KCNH8: variants seen among roughly 807,000 people sequenced by gnomAD.
The protein encoded by KCNH8 is potassium voltage-gated channel subfamily H member 8, also known as voltage-gated delayed rectifier potassium channel KCNH8.
Under a neutral mutation model 103.6 loss-of-function variants are expected in KCNH8, and 70 were observed. That is an observed-to-expected ratio of 0.68 (90% CI 0.56 to 0.82). KCNH8 has a LOEUF of 0.82. Ranked by LOEUF, KCNH8 falls within the 40% of genes least tolerant of loss-of-function variation. The pLI is 0.00. For missense variants in KCNH8, 1,217 were observed against 1,329.9 expected, an observed-to-expected ratio of 0.92 and a Z score of 1.32; for synonymous variants, 498 against 489.4, an observed-to-expected ratio of 1.02 and a Z score of -0.23.
At chr3:19,397,712 A>T (rs2066544973) in intron 7 of KCNH8, among the ~76,000 whole-genome samples, 1 of 151,840 alleles carries the variant, frequency 6.6e-6, no homozygotes, top group Non-Finnish European at 1.5e-5. Context: ...TCTTTAGAGA[A>T]TTAGATTTCC....
At chr3:19,309,423 T>G (rs1292559704) in intron 3 of KCNH8, among the ~76,000 whole-genome samples, 2 of 151,992 alleles carry the variant, frequency 1.3e-5, no homozygotes, top group South Asian at 2.1e-4. Context: ...GCATACTATT[T>G]AAAAGGTTAA....
chr3:19,216,574 T>C (rs2063820106), intron 1 of KCNH8, among the ~76,000 whole-genome samples: 1 of 152,218 alleles, frequency 6.6e-6, no homozygotes, highest in Non-Finnish European at 1.5e-5. Context: ...AGCTTCAAAA[T>C]GTTTATAATC....
At chr3:19,191,790 T>A (rs2063555568) in intron 1 of KCNH8, among the ~76,000 whole-genome samples, 1 of 151,778 alleles carries the variant, frequency 6.6e-6, no homozygotes, top group Admixed American at 6.6e-5. Flanking sequence ...TCCTGCTATT[T>A]AGTGCTTGAT....
chr3:19,504,428 G>C (rs2068651845), intron 11 of KCNH8, among the ~76,000 whole-genome samples: 1 of 151,966 alleles, frequency 6.6e-6, no homozygotes, highest in Admixed American at 6.6e-5. Context: ...TGCAAACCTT[G>C]CATCTAACAA....
chr3:19,148,658 T>G lies in KCNH8; in HGVS notation c.-62T>G. 2 of 1,542,392 alleles carry G rather than the reference T, an allele frequency of 1.3e-6. No individual in the cohort carries two copies. The highest frequency in any genetic ancestry group is 1.8e-6 in the Non-Finnish European group (2 of 1,114,114). On this transcript the variant is annotated 5_prime_UTR_variant, in exon 1 of 16. Transcript: ENST00000328405. ...GGTTCCCCTTCTCCCTTCTTGGCAC[T>G]TTCCTTTCGAACCATCCTTCTGGAC...
chr3:19,440,261 A>G (rs2067262710), intron 8 of KCNH8, among the ~76,000 whole-genome samples: 1 of 152,192 alleles, frequency 6.6e-6, no homozygotes, highest in Admixed American at 6.5e-5. Context: ...GAAGAGAACT[A>G]GCTAGATAGA....
chr3:19,280,416 C>G (rs1051977465), intron 2 of KCNH8, among the ~76,000 whole-genome samples: 2 of 152,168 alleles, frequency 1.3e-5, no homozygotes, highest in African/African-American at 4.8e-5. Context: ...GACCTGAATG[C>G]CTTTCTAATC....
At position 19,148,851 on chromosome 3, in the gene KCNH8, T is replaced by C; in HGVS notation, c.76+56T>C. On this transcript the variant is annotated intron_variant, in intron 1 of 15. Transcript: ENST00000328405. Reference sequence around the variant, plus strand: ...CATTTTCTGAGACTGATTTTTCTCGTACACATTACTTTTGCTCCCACCTTC... The same window carrying C: ...CATTTTCTGAGACTGATTTTTCTCGCACACATTACTTTTGCTCCCACCTTC... The C allele has an allele frequency of 2.7e-6, 4 of 1,466,348 alleles. No individual in the cohort carries two copies. In the South Asian group the frequency reaches 4.5e-5, roughly 17 times the overall value. 90.8% of individuals were successfully genotyped at this position (1,466,348 alleles called of 1,614,324 possible).
chr3:19,403,333 T>C (rs1329005548), intron 7 of KCNH8, among the ~76,000 whole-genome samples: 1 of 142,070 alleles, frequency 7.0e-6, no homozygotes, highest in Admixed American at 7.3e-5. Flanking sequence ...CTTTCTTCTG[T>C]TCCCCCCCAT....
chr3:19,187,025 A>T (rs2063508971), intron 1 of KCNH8, among the ~76,000 whole-genome samples: 1 of 152,088 alleles, frequency 6.6e-6, no homozygotes, highest in South Asian at 2.1e-4. Context: ...ATGTCAGAAT[A>T]AAACTTTATT....
chr3:19,276,199 G>GTT (rs1300225593), intron 2 of KCNH8, among the ~76,000 whole-genome samples: 5 of 151,590 alleles, frequency 3.3e-5, no homozygotes, highest in Non-Finnish European at 7.4e-5. Flanking sequence ...GTGTGTGTGT[G>GTT]TGTGTGTGTG....
intron 8 of KCNH8, among the ~76,000 whole-genome samples, chr3:19,444,980 A>G (rs2067341834): frequency 6.6e-6 from 1 of 151,994 alleles, no homozygotes; most frequent in Non-Finnish European, 1.5e-5. Context: ...CCACTTCTGA[A>G]TATATAACCA....
At chr3:19,276,213 A>G (rs1409679381) in intron 2 of KCNH8, among the ~76,000 whole-genome samples, 8 of 111,800 alleles carry the variant, frequency 7.2e-5, no homozygotes, top group South Asian at 2.9e-4. Flanking sequence ...GTGTGTGTGT[A>G]TACATGTATG....
rs1039186309 is a variant in KCNH8, at chr3:19,244,121, A to G, written c.77-9533A>G. Reference sequence around the variant, plus strand: ...CACTTAGCTGCATAAACTTATGTTTATTTAAAAGAATAAAATTATACTAAA... The same window carrying G: ...CACTTAGCTGCATAAACTTATGTTTGTTTAAAAGAATAAAATTATACTAAA... On this transcript the variant is annotated intron_variant, in intron 1 of 15. Coordinates refer to ENST00000328405, the MANE Select transcript of KCNH8 (RefSeq NM_144633.3). Among the ~76,000 whole-genome samples the G allele has an allele frequency of 2.0e-5, 3 of 152,226 alleles. No individual in the cohort carries two copies. The East Asian group carries it at 5.8e-4, about 29-fold the overall frequency.
At chr3:19,487,712 G>GT (rs1266530301) in intron 11 of KCNH8, among the ~76,000 whole-genome samples, 2 of 152,090 alleles carry the variant, frequency 1.3e-5, no homozygotes, top group Non-Finnish European at 2.9e-5. Context: ...CTGGGGGACC[G>GT]TAAGGGCCAT....
intron 2 of KCNH8, among the ~76,000 whole-genome samples, chr3:19,262,812 G>C (rs1469745306): frequency 6.6e-6 from 1 of 151,966 alleles, no homozygotes; most frequent in Non-Finnish European, 1.5e-5. Context: ...AACCAGGCTT[G>C]AGATCACACA....
intron 3 of KCNH8, among the ~76,000 whole-genome samples, chr3:19,297,217 A>G (rs574639748): frequency 1.1e-4 from 16 of 152,238 alleles, no homozygotes; most frequent in South Asian, 4.1e-4. Flanking sequence ...ATTGGAACAC[A>G]TTTTTGAGAA....
chr3:19,405,984 A>G (rs1198300038), intron 7 of KCNH8, among the ~76,000 whole-genome samples: 1 of 152,040 alleles, frequency 6.6e-6, no homozygotes, highest in African/African-American at 2.4e-5. Context: ...ATCCTGGTAA[A>G]CAAAACACAC....
At chr3:19,398,715 G>A (rs1391601436) in intron 7 of KCNH8, among the ~76,000 whole-genome samples, 1 of 151,926 alleles carries the variant, frequency 6.6e-6, no homozygotes. Flanking sequence ...GGGGTTACCA[G>A]TATTAAATTA....
Sources: allele counts gnomAD v4.1 joint callset (sites outside exome capture counted in the v4.1 genomes callset), GRCh38; gene constraint gnomAD v4.1.1; transcripts MANE v1.5; gene names NCBI Gene and HGNC (gene_info 2026-07-23, HGNC 2026-07-21).